FSIP1: variants seen among roughly 807,000 people sequenced by gnomAD.
FSIP1 encodes the protein fibrous sheath interacting protein 1.
Under a neutral mutation model 60.9 loss-of-function variants are expected in FSIP1, and 65 were observed. The ratio of observed to expected loss-of-function variants is 1.07; its 90% CI spans 0.87 to 1.31. FSIP1 has a LOEUF of 1.31. FSIP1 is among the 40% of genes most tolerant of loss of function. The probability of loss-of-function intolerance (pLI) is 0.00; values close to 1 mark genes in which losing one functional copy is unlikely to be tolerated. For synonymous variants in FSIP1, 209 were observed against 221.2 expected (o/e 0.94, Z 0.49); for missense variants, 675 against 665.5 (o/e 1.01, Z -0.16).
intron 9 of FSIP1, among the ~76,000 whole-genome samples, chr15:39,717,543 G>A (rs1214017583): frequency 1.3e-5 from 2 of 151,896 alleles, no homozygotes; most frequent in African/African-American, 2.4e-5. Context: ...ACTCTACTCA[G>A]AAGGTTATAA....
chr15:39,725,003 C>T (rs1018858792), intron 9 of FSIP1, among the ~76,000 whole-genome samples: 13 of 152,270 alleles, frequency 8.5e-5, no homozygotes, highest in Non-Finnish European at 1.6e-4. Flanking sequence ...GAGGCAAAGG[C>T]AGGCGGATCA....
Position 39,723,873 on chromosome 15 carries a change from C to T in FSIP1, c.1050+2716G>A, listed in dbSNP as rs945709436. ...ATCCAAAAATAATATCCCTAAAATACTTTGCCATGTTAGCATTCCTGCTTT... is the reference window on the plus strand; with the variant it reads ...ATCCAAAAATAATATCCCTAAAATATTTTGCCATGTTAGCATTCCTGCTTT... On this transcript the variant is annotated intron_variant, in intron 9 of 11. Transcript: ENST00000350221. Among the ~76,000 whole-genome samples the T allele has an allele frequency of 3.3e-5, 5 of 152,330 alleles. 1 individual carries two copies. Among genetic ancestry groups the T allele is most frequent in the Admixed American group, 6.5e-5 (1 of 15,298 alleles).
intron 10 of FSIP1, among the ~76,000 whole-genome samples, chr15:39,637,424 C>G (rs750584422): frequency 6.6e-6 from 1 of 152,196 alleles, no homozygotes; most frequent in African/African-American, 2.4e-5. Flanking sequence ...AATCATGCCA[C>G]AGAATTTAAG....
intron 10 of FSIP1, among the ~76,000 whole-genome samples, chr15:39,665,138 A>C (rs760086386): frequency 1.6e-4 from 24 of 152,190 alleles, no homozygotes; most frequent in Non-Finnish European, 2.9e-4. Context: ...AGGGAAAATT[A>C]ATTACTACAT....
chr15:39,721,094 G>T (rs1187029472), intron 9 of FSIP1, among the ~76,000 whole-genome samples: 1 of 152,194 alleles, frequency 6.6e-6, no homozygotes, highest in African/African-American at 2.4e-5. Context: ...ATCACAATCA[G>T]TGAGCCCATA....
chr15:39,601,698 T>C (rs563796047), intron 11 of FSIP1, among the ~76,000 whole-genome samples: 1 of 152,358 alleles, frequency 6.6e-6, no homozygotes, highest in African/African-American at 2.4e-5. Context: ...TATATCCATA[T>C]AATTGAGACT....
At chr15:39,708,062 A>G (rs552642729) in intron 10 of FSIP1, among the ~76,000 whole-genome samples, 1 of 152,326 alleles carries the variant, frequency 6.6e-6, no homozygotes, top group African/African-American at 2.4e-5. Flanking sequence ...CTATTCTATG[A>G]AAGCGGATAC....
intron 5 of FSIP1, among the ~76,000 whole-genome samples, chr15:39,745,891 G>A (rs1896975999): frequency 6.6e-6 from 1 of 152,044 alleles, no homozygotes; most frequent in African/African-American, 2.4e-5. Context: ...GCCAGACTGG[G>A]CAAGATGGCA....
chr15:39,759,220 G>A (rs1224328439), intron 5 of FSIP1, among the ~76,000 whole-genome samples: 1 of 151,832 alleles, frequency 6.6e-6, no homozygotes, highest in African/African-American at 2.4e-5. Context: ...AATGCTTATG[G>A]TGTTTGTGAC....
At chr15:39,768,975 A>G (rs565204624) in intron 3 of FSIP1, among the ~76,000 whole-genome samples, 1 of 152,324 alleles carries the variant, frequency 6.6e-6, no homozygotes, top group East Asian at 1.9e-4. Flanking sequence ...TATTGCCACC[A>G]ATTTTTATAA....
chr15:39,759,584 T>A (rs76856108), intron 5 of FSIP1, among the ~76,000 whole-genome samples: 1,657 of 152,292 alleles, frequency 0.011, 42 homozygotes, highest in African/African-American at 0.038. Context: ...GTATACCCAT[T>A]TTCTATAGCG....
chr15:39,749,125 A>C (rs1897085987), intron 5 of FSIP1, among the ~76,000 whole-genome samples: 1 of 151,910 alleles, frequency 6.6e-6, no homozygotes, highest in African/African-American at 2.4e-5. Context: ...AAGCCTGAAC[A>C]GATCTACAAT....
chr15:39,600,697 G>A lies in FSIP1; in HGVS notation c.*183C>T, dbSNP rs990575283. 14 of 511,228 alleles carry A rather than the reference G, an allele frequency of 2.7e-5. No individual in the cohort carries two copies. The highest frequency in any genetic ancestry group is 4.5e-5 in the Non-Finnish European group (13 of 289,886). 31.7% of individuals were successfully genotyped at this position (511,228 alleles called of 1,614,324 possible). A position where few individuals can be genotyped will look rare whatever the true frequency, so the allele number is the denominator to read the frequency against. Reference sequence around the variant, plus strand: ...GAAATTTTAATGAGCAAAAACCACTGAACAATTACACCCCAAGTCTCAAAA... The same window carrying A: ...GAAATTTTAATGAGCAAAAACCACTAAACAATTACACCCCAAGTCTCAAAA... On this transcript the variant is annotated 3_prime_UTR_variant, in exon 12 of 12. Transcript: ENST00000350221.
At chr15:39,713,251 T>C (rs1187411029) in intron 10 of FSIP1, among the ~76,000 whole-genome samples, 193 bp downstream of exon 10, 1 of 152,132 alleles carries the variant, frequency 6.6e-6, no homozygotes, top group African/African-American at 2.4e-5. Flanking sequence ...TTGGTACAAG[T>C]GTTGGTTACA....
At chr15:39,677,545 A>G (rs1407898164) in intron 10 of FSIP1, among the ~76,000 whole-genome samples, 1 of 152,182 alleles carries the variant, frequency 6.6e-6, no homozygotes, top group Non-Finnish European at 1.5e-5. Flanking sequence ...TTAAACCAGT[A>G]TTTCTACCCC....
At chr15:39,635,148 A>T (rs904708902) in intron 10 of FSIP1, among the ~76,000 whole-genome samples, 1 of 152,190 alleles carries the variant, frequency 6.6e-6, no homozygotes, top group African/African-American at 2.4e-5. Context: ...ATCCTGGCCA[A>T]CATGGTGAAA....
chr15:39,626,802 T>C (rs76952462), intron 10 of FSIP1, among the ~76,000 whole-genome samples: 18,822 of 152,206 alleles, frequency 0.12, 1,391 homozygotes, highest in East Asian at 0.21. Context: ...TTACGTAGTA[T>C]TTTTACAGCA....
At chr15:39,756,118 T>G (rs1358397342) in intron 5 of FSIP1, among the ~76,000 whole-genome samples, 1 of 152,272 alleles carries the variant, frequency 6.6e-6, no homozygotes, top group Middle Eastern at 3.4e-3. Flanking sequence ...ATGTCTGGAT[T>G]ATAAGGTTCA....
chr15:39,646,712 A>G (rs1374541130), intron 10 of FSIP1, among the ~76,000 whole-genome samples: 1 of 151,858 alleles, frequency 6.6e-6, no homozygotes, highest in Non-Finnish European at 1.5e-5. Flanking sequence ...TCTTAAAAAA[A>G]AAAAAAAAGT....
Sources: allele counts gnomAD v4.1 joint callset (sites outside exome capture counted in the v4.1 genomes callset), GRCh38; gene constraint gnomAD v4.1.1; transcripts MANE v1.5; gene names NCBI Gene and HGNC (gene_info 2026-07-23, HGNC 2026-07-21).